Variants in XKR4 observed in about 807,000 individuals in gnomAD.
XKR4 encodes XK-related protein 4.
XKR4 carries 12 observed loss-of-function variants against 53.9 expected under a neutral mutation model. That is an observed-to-expected ratio of 0.22 (90% confidence interval 0.14 to 0.36). The LOEUF is 0.36. Among genes scored for constraint, XKR4 ranks in the 10% least tolerant of loss-of-function variants. XKR4 has a pLI of 1.00. For missense variants in XKR4, 799 were observed against 859.5 expected (o/e 0.93, Z 0.88); for synonymous variants, 354 against 362.4 (o/e 0.98, Z 0.26).
At chr8:55,485,819 C>T (rs957342840) in intron 2 of XKR4, among the ~76,000 whole-genome samples, 2 of 152,042 alleles carry the variant, frequency 1.3e-5, no homozygotes, top group East Asian at 1.9e-4. Context: ...GTTGAGGGCC[C>T]CAGGAGCTAA....
At chr8:55,218,133 A>G (rs1231629035) in intron 1 of XKR4, among the ~76,000 whole-genome samples, 1 of 152,248 alleles carries the variant, frequency 6.6e-6, no homozygotes, top group Non-Finnish European at 1.5e-5. Flanking sequence ...TAAGCTACAT[A>G]TTACTTTACT....
intron 2 of XKR4, chr8:55,453,541 G>T: frequency 2.6e-6 from 1 of 378,608 alleles, no homozygotes. Context: ...CATCCAGTAG[G>T]GCAGTCATGC....
intron 1 of XKR4, among the ~76,000 whole-genome samples, chr8:55,338,083 T>G (rs374135866): frequency 6.6e-6 from 1 of 152,094 alleles, no homozygotes; most frequent in Non-Finnish European, 1.5e-5. Context: ...AAGAAAAAAA[T>G]GTAAAACTTT....
Position 55,226,457 on chromosome 8 carries a change from G to C in XKR4, c.806+123163G>C, listed in dbSNP as rs373471961. On this transcript the variant is annotated intron_variant, in intron 1 of 2. Transcript: ENST00000327381. Reference sequence around the variant, plus strand: ...GACCTATGACATGATTGCTGACTCAGAGAACAAAGCATTTTTACACTCAAT... The same window carrying C: ...GACCTATGACATGATTGCTGACTCACAGAACAAAGCATTTTTACACTCAAT... 5.0e-4 allele frequency among the ~76,000 whole-genome samples: 76 copies of C among 152,296 alleles called. 2 individuals carry two copies. The South Asian group carries it at 0.015, about 30-fold the overall frequency.
chr8:55,476,788 C>T lies in XKR4; in HGVS notation c.1007-46493C>T, dbSNP rs537190925. Among the ~76,000 whole-genome samples, 61 of 152,230 alleles carry T rather than the reference C, an allele frequency of 4.0e-4. 1 individual carries two copies. The South Asian group carries it at 0.011, about 28-fold the overall frequency. On this transcript the variant is annotated intron_variant, in intron 2 of 2. Coordinates refer to ENST00000327381, the MANE Select transcript of XKR4 (RefSeq NM_052898.2). ...GGGTCCTATGCCCATGGAGTCTGCT[C>T]AGATTGCTAGCACAGCAGTCTGAGA...
At chr8:55,521,195 G>A (rs1244096210) in intron 2 of XKR4, among the ~76,000 whole-genome samples, 1 of 152,242 alleles carries the variant, frequency 6.6e-6, no homozygotes, top group African/African-American at 2.4e-5. Context: ...CTAGTGAGAA[G>A]CTACACGTTT....
chr8:55,473,279 T>C (rs1268521513), intron 2 of XKR4, among the ~76,000 whole-genome samples: 1 of 152,156 alleles, frequency 6.6e-6, no homozygotes, highest in Non-Finnish European at 1.5e-5. Context: ...AGTAGGAAAG[T>C]GTTATTGTTC....
chr8:55,448,698 G>T (rs1031107242), intron 2 of XKR4, among the ~76,000 whole-genome samples: 5 of 152,106 alleles, frequency 3.3e-5, no homozygotes, highest in Admixed American at 3.3e-4. Flanking sequence ...TCTCCCACAT[G>T]CCCTGCATAA....
At chr8:55,474,220 T>G (rs1585594222) in intron 2 of XKR4, among the ~76,000 whole-genome samples, 1 of 152,226 alleles carries the variant, frequency 6.6e-6, no homozygotes, top group East Asian at 1.9e-4. Flanking sequence ...TAAAACAGAC[T>G]TATCAACAGA....
intron 1 of XKR4, among the ~76,000 whole-genome samples, chr8:55,295,870 A>T (rs1192222160): frequency 6.6e-6 from 1 of 152,216 alleles, no homozygotes. Context: ...TGTTTTAGTT[A>T]ATGTTTTATT....
At chr8:55,132,628 C>T (rs1263145524) in intron 1 of XKR4, among the ~76,000 whole-genome samples, 1 of 152,054 alleles carries the variant, frequency 6.6e-6, no homozygotes, top group East Asian at 1.9e-4. Context: ...GACTCCAGGG[C>T]CATATTATTA....
At chr8:55,360,682 A>G (rs926400553) in intron 2 of XKR4, among the ~76,000 whole-genome samples, 12 of 152,374 alleles carry the variant, frequency 7.9e-5, no homozygotes, top group Admixed American at 7.8e-4. Flanking sequence ...TTTTTAGGAT[A>G]GAAGGAAAAT....
intron 2 of XKR4, among the ~76,000 whole-genome samples, chr8:55,396,399 G>GTTTTTTTT (rs71256534): frequency 0.015 from 1,342 of 88,670 alleles, 101 homozygotes; most frequent in African/African-American, 0.04. Context: ...TTTTTGTTTG[G>GTTTTTTTT]TTTTTTTTTT....
intron 1 of XKR4, among the ~76,000 whole-genome samples, chr8:55,220,540 G>A (rs1358665945): frequency 6.6e-6 from 1 of 152,192 alleles, no homozygotes; most frequent in Non-Finnish European, 1.5e-5. Context: ...CAGCTCCTGA[G>A]CCTGTAGTCA....
intron 1 of XKR4, among the ~76,000 whole-genome samples, chr8:55,139,512 C>CAAAAAAAAAA (rs5891559): frequency 3.5e-5 from 4 of 114,486 alleles, no homozygotes; most frequent in Admixed American, 8.5e-5. Flanking sequence ...GACTCCGTCT[C>CAAAAAAAAAA]AAAAAAAAAA....
intron 1 of XKR4, among the ~76,000 whole-genome samples, chr8:55,274,514 C>T (rs913177813): frequency 4.6e-5 from 7 of 151,958 alleles, no homozygotes; most frequent in African/African-American, 1.7e-4. Context: ...CTTACTGCAG[C>T]CTCCGCCTCC....
At chr8:55,416,517 A>C (rs535504988) in intron 2 of XKR4, among the ~76,000 whole-genome samples, 2 of 152,332 alleles carry the variant, frequency 1.3e-5, no homozygotes, top group South Asian at 4.1e-4. Flanking sequence ...GGCTGAGATC[A>C]GTTTTGCTGA....
chr8:55,278,560 AG>A (rs1290832799), intron 1 of XKR4, among the ~76,000 whole-genome samples: 2 of 152,178 alleles, frequency 1.3e-5, no homozygotes, highest in Non-Finnish European at 2.9e-5. Flanking sequence ...CACTTGACTG[AG>A]GAAGTACCAA....
At chr8:55,164,781 CACACACAT>C (rs1817042148) in intron 1 of XKR4, 33 of 137,984 alleles carry the variant, frequency 2.4e-4, no homozygotes, top group Non-Finnish European at 3.5e-4. Flanking sequence ...CAAAAGTTCA[CACACACAT>C]ACACACACAC....
Sources: allele counts gnomAD v4.1 joint callset (sites outside exome capture counted in the v4.1 genomes callset), GRCh38; gene constraint gnomAD v4.1.1; transcripts MANE v1.5; gene names NCBI Gene and HGNC (gene_info 2026-07-23, HGNC 2026-07-21).